Variants in ARL15 observed in about 807,000 individuals in gnomAD.
The protein encoded by ARL15 is ARF like GTPase 15, also known as ADP-ribosylation factor-like protein 15.
ARL15 carries 19 observed loss-of-function variants against 25.2 expected under a neutral mutation model. The observed-to-expected ratio is 0.75, with a 90% CI of 0.53 to 1.10. The LOEUF (loss-of-function observed/expected upper bound fraction) is 1.10, where lower values mean the gene tolerates loss of function less well. Ranked by LOEUF, ARL15 falls within the 50% of genes least tolerant of loss-of-function variation. The pLI, the probability that ARL15 is intolerant of heterozygous loss-of-function variation, is 0.00. For missense variants in ARL15, 220 were observed against 246.0 expected (o/e 0.89, Z 0.71); for synonymous variants, 94 against 86.8 (o/e 1.08, Z -0.46).
At chr5:54,158,373 A>C (rs1754301999) in intron 2 of ARL15, among the ~76,000 whole-genome samples, 1 of 152,142 alleles carries the variant, frequency 6.6e-6, no homozygotes, top group Non-Finnish European at 1.5e-5. Flanking sequence ...GGTGATTTTC[A>C]CAATTGTAAC....
At position 54,010,832 on chromosome 5, in the gene ARL15, T is replaced by C. The variant is rs997698527; in HGVS notation, c.462+102370A>G. On this transcript the variant is annotated intron_variant, in intron 4 of 4. Transcript: ENST00000504924. Reference sequence around the variant, plus strand: ...GGAGAACACGGTGAAACCCCGTCTCTACTGAAAATACAAAAAATTAGCGGG... The same window carrying C: ...GGAGAACACGGTGAAACCCCGTCTCCACTGAAAATACAAAAAATTAGCGGG... Among the ~76,000 whole-genome samples the C allele has an allele frequency of 1.1e-4, 16 of 151,964 alleles. No homozygotes were observed. The South Asian group carries it at 2.5e-3, about 24-fold the overall frequency.
intron 4 of ARL15, among the ~76,000 whole-genome samples, chr5:53,897,509 G>C (rs2111923019): frequency 6.6e-6 from 1 of 152,118 alleles, no homozygotes; most frequent in South Asian, 2.1e-4. Flanking sequence ...TCTACTTTTT[G>C]GCTATTATAA....
In ARL15 at chr5:54,274,850, C is replaced by T. The variant is rs576167927; in HGVS notation, c.48+35582G>A. 1.3e-3 allele frequency among the ~76,000 whole-genome samples: 195 copies of T among 152,148 alleles called. 1 individual carries two copies. The highest frequency in any genetic ancestry group is 4.5e-3 in the African/African-American group (187 of 41,490). Reference sequence around the variant, plus strand: ...CAGGGGTTGCAGTGAGCCCAGATTGCGCCACTACACTCCAGTCTGGATGAC... The same window carrying T: ...CAGGGGTTGCAGTGAGCCCAGATTGTGCCACTACACTCCAGTCTGGATGAC... On this transcript the variant is annotated intron_variant, in intron 1 of 4. Transcript: ENST00000504924.
chr5:54,141,678 C>G (rs529271012), intron 3 of ARL15, among the ~76,000 whole-genome samples: 1 of 152,148 alleles, frequency 6.6e-6, no homozygotes, highest in East Asian at 1.9e-4. Context: ...TTCTCATGAC[C>G]CTTTTAATCT....
chr5:54,231,377 CATCCA>C (rs1756665631), intron 1 of ARL15, among the ~76,000 whole-genome samples: 2 of 152,154 alleles, frequency 1.3e-5, no homozygotes, highest in African/African-American at 4.8e-5. Context: ...CAGCCTATAA[CATCCA>C]CTTCTCTGTC....
At chr5:53,926,761 C>T (rs1233655162) in intron 4 of ARL15, among the ~76,000 whole-genome samples, 1 of 152,128 alleles carries the variant, frequency 6.6e-6, no homozygotes, top group Admixed American at 6.6e-5. Flanking sequence ...TTCTTTCCCT[C>T]TACTTTGGCT....
chr5:54,172,088 C>T (rs1287117503), intron 1 of ARL15, among the ~76,000 whole-genome samples, 160 bp from the exon 2 acceptor site: 6 of 152,256 alleles, frequency 3.9e-5, no homozygotes, highest in Middle Eastern at 3.4e-3. Context: ...CCTGGAGACA[C>T]CACTCTAGCC....
chr5:54,018,538 T>C (rs528421519), intron 4 of ARL15, among the ~76,000 whole-genome samples: 136 of 152,290 alleles, frequency 8.9e-4, no homozygotes, highest in Middle Eastern at 3.4e-3. Flanking sequence ...CTCCATGAAG[T>C]TTCCTGCTGA....
At chr5:54,231,992 C>G (rs1208574723) in intron 1 of ARL15, among the ~76,000 whole-genome samples, 1 of 152,170 alleles carries the variant, frequency 6.6e-6, no homozygotes, top group East Asian at 1.9e-4. Context: ...ACTTAGCAGT[C>G]TACGCTGCGG....
intron 4 of ARL15, among the ~76,000 whole-genome samples, chr5:54,106,852 T>C (rs906326783): frequency 2.0e-5 from 3 of 151,624 alleles, no homozygotes; most frequent in African/African-American, 7.3e-5. Context: ...ATAGGCGAAA[T>C]TCTAATATTA....
intron 4 of ARL15, among the ~76,000 whole-genome samples, chr5:54,009,218 CA>C (rs1337031850): frequency 6.6e-6 from 1 of 152,176 alleles, no homozygotes; most frequent in Non-Finnish European, 1.5e-5. Flanking sequence ...TAAATTGCCA[CA>C]AAGTTGCTTT....
At chr5:54,090,576 G>T (rs1279391476) in intron 4 of ARL15, among the ~76,000 whole-genome samples, 1 of 151,862 alleles carries the variant, frequency 6.6e-6, no homozygotes, top group Non-Finnish European at 1.5e-5. Flanking sequence ...TGGAGACATT[G>T]CCATTTGCTC....
At chr5:54,289,293 T>C (rs1363199061) in intron 1 of ARL15, among the ~76,000 whole-genome samples, 2 of 151,192 alleles carry the variant, frequency 1.3e-5, no homozygotes, top group African/African-American at 4.9e-5. Context: ...TTATGGAGCC[T>C]ACACTCCAGT....
chr5:53,933,642 CAAAAAAAAA>C (rs34912827), intron 4 of ARL15, among the ~76,000 whole-genome samples: 5 of 76,002 alleles, frequency 6.6e-5, no homozygotes, highest in Non-Finnish European at 1.2e-4. Flanking sequence ...GAGACTGTCT[CAAAAAAAAA>C]AAAAAAAAAA....
Position 54,071,796 on chromosome 5 carries a change from C to T in ARL15, c.462+41406G>A, listed in dbSNP as rs377581519. 3.1e-4 allele frequency among the ~76,000 whole-genome samples: 47 copies of T among 151,638 alleles called. 1 individual carries two copies. The highest frequency in any genetic ancestry group is 1.1e-3 in the African/African-American group (46 of 41,354). On this transcript the variant is annotated intron_variant, in intron 4 of 4. Transcript: ENST00000504924. ...ACCATCCTGGCTAACACGGTGAAAC[C>T]CCGTCTCTACTAAAAGATACAAAAA...
intron 4 of ARL15, among the ~76,000 whole-genome samples, chr5:54,067,957 C>G (rs1751297353): frequency 1.3e-5 from 2 of 152,186 alleles, no homozygotes; most frequent in Admixed American, 1.3e-4. Flanking sequence ...ATACTTATCA[C>G]TGCTGTTTTA....
At chr5:54,019,471 C>T (rs1216958653) in intron 4 of ARL15, among the ~76,000 whole-genome samples, 5 of 152,060 alleles carry the variant, frequency 3.3e-5, no homozygotes, top group Non-Finnish European at 4.4e-5. Context: ...GAGGGCTATA[C>T]CTAGAAATCT....
intron 1 of ARL15, among the ~76,000 whole-genome samples, chr5:54,221,759 C>T (rs1037779350): frequency 6.6e-6 from 1 of 151,356 alleles, no homozygotes; most frequent in Non-Finnish European, 1.5e-5. Flanking sequence ...GTCAAGCTTA[C>T]AACAGGACCA....
At chr5:53,982,585 T>A (rs929842888) in intron 4 of ARL15, among the ~76,000 whole-genome samples, 1 of 152,214 alleles carries the variant, frequency 6.6e-6, no homozygotes, top group Non-Finnish European at 1.5e-5. Flanking sequence ...CAGTCTATCA[T>A]TGATGGGCAT....
Sources: gnomAD v4.1 joint callset for allele counts (sites outside exome capture counted in the v4.1 genomes callset) on GRCh38, gnomAD v4.1.1 for gene constraint, MANE v1.5 for transcripts, NCBI Gene and HGNC (gene_info 2026-07-23, HGNC 2026-07-21) for gene names.